Variants in CADM2 observed in about 807,000 individuals in gnomAD.
CADM2 encodes the protein cell adhesion molecule 2.
CADM2 carries 12 observed loss-of-function variants against 49.8 expected under a neutral mutation model. That is an observed-to-expected ratio of 0.24 (90% CI 0.15 to 0.39). The LOEUF (loss-of-function observed/expected upper bound fraction) is 0.39. Among genes scored for constraint, CADM2 ranks in the 10% least tolerant of loss-of-function variants. The pLI is 1.00. For synonymous variants in CADM2, 214 were observed against 175.4 expected (o/e 1.22, Z -1.74); for missense variants, 378 against 492.3 (o/e 0.77, Z 2.20).
At chr3:85,555,868 A>AT (rs2061944508) in intron 1 of CADM2, among the ~76,000 whole-genome samples, 1 of 152,144 alleles carries the variant, frequency 6.6e-6, no homozygotes, top group Non-Finnish European at 1.5e-5. Flanking sequence ...TGTAATTGTT[A>AT]TTTTAGACAT....
At chr3:85,753,826 C>A (rs1012856453) in intron 2 of CADM2, among the ~76,000 whole-genome samples, 3 of 152,036 alleles carry the variant, frequency 2.0e-5, no homozygotes, top group Non-Finnish European at 2.9e-5. Context: ...AGAAAGAATT[C>A]AAGGGAGGGG....
At chr3:85,514,933 T>C (rs1435767822) in intron 1 of CADM2, among the ~76,000 whole-genome samples, 2 of 152,174 alleles carry the variant, frequency 1.3e-5, no homozygotes, top group East Asian at 3.8e-4. Context: ...CCCTATTCTA[T>C]TAATCACATT....
rs1403948116 is a variant in CADM2, at chr3:85,898,968, T to A, written c.529+12641T>A. On this transcript the variant is annotated intron_variant, in intron 5 of 9. Transcript: ENST00000383699. ...ATATATATATATATTTTTTTTTTTT[T>A]TTTTTTTTTTTTTTTGAGACGGAGT... is the stretch of plus-strand genomic sequence containing the variant. Among the ~76,000 whole-genome samples, 312 of 94,722 alleles carry A rather than the reference T, an allele frequency of 3.3e-3. 7 individuals carry two copies. Among genetic ancestry groups the A allele is most frequent in the South Asian group, 5.2e-3 (13 of 2,504 alleles). The allele number at this position is 94,722 out of a possible 152,430, so 62.1% of individuals were successfully genotyped here. A position where few individuals can be genotyped will look rare whatever the true frequency, so the allele number is the denominator to read the frequency against.
intron 1 of CADM2, among the ~76,000 whole-genome samples, chr3:85,357,151 C>A (rs1420103408): frequency 6.6e-6 from 1 of 152,084 alleles, no homozygotes; most frequent in Admixed American, 6.6e-5. Flanking sequence ...ACCCTAAAAG[C>A]ACAAGATACC....
At chr3:85,917,326 T>C (rs1718484921) in intron 6 of CADM2, among the ~76,000 whole-genome samples, 1 of 152,200 alleles carries the variant, frequency 6.6e-6, no homozygotes, top group South Asian at 2.1e-4. Context: ...CTTTAATCCA[T>C]CTTGAATTAA....
intron 8 of CADM2, among the ~76,000 whole-genome samples, chr3:86,037,644 T>A (rs1304276735): frequency 6.6e-6 from 1 of 151,784 alleles, no homozygotes; most frequent in Non-Finnish European, 1.5e-5. Flanking sequence ...AATCAATTAT[T>A]ATAAAGTTCT....
At chr3:85,422,593 T>G (rs2036225090) in intron 1 of CADM2, among the ~76,000 whole-genome samples, 1 of 152,178 alleles carries the variant, frequency 6.6e-6, no homozygotes, top group Non-Finnish European at 1.5e-5. Flanking sequence ...TTTAAAATAC[T>G]TCCATATTAT....
chr3:85,983,141 A>G (rs186393692), intron 8 of CADM2, among the ~76,000 whole-genome samples: 28 of 151,872 alleles, frequency 1.8e-4, no homozygotes, highest in East Asian at 7.8e-4. Flanking sequence ...AGCTGTATCT[A>G]TATTAAAAAT....
At chr3:85,738,971 C>T (rs2068260850) in intron 2 of CADM2, among the ~76,000 whole-genome samples, 1 of 151,946 alleles carries the variant, frequency 6.6e-6, no homozygotes, top group African/African-American at 2.4e-5. Flanking sequence ...TTGATTCCAC[C>T]ACTTAACAGA....
intron 1 of CADM2, 140 bp from the exon 2 acceptor site, chr3:85,726,382 T>C (rs1358280599): frequency 1.1e-6 from 1 of 879,712 alleles, no homozygotes; most frequent in Non-Finnish European, 1.8e-6. Context: ...AGTCATTTTG[T>C]TTCTTAGGCT....
chr3:85,896,965 A>G (rs1021855176), intron 5 of CADM2, among the ~76,000 whole-genome samples: 2 of 152,136 alleles, frequency 1.3e-5, no homozygotes, highest in Non-Finnish European at 2.9e-5. Flanking sequence ...TGTCAGGCCT[A>G]AAAATTCCAT....
intron 1 of CADM2, among the ~76,000 whole-genome samples, chr3:84,997,928 T>C (rs1224208351): frequency 4.6e-5 from 7 of 152,152 alleles, no homozygotes; most frequent in Admixed American, 3.9e-4. Flanking sequence ...ATTGTCTTCC[T>C]TATGAACCTC....
At chr3:85,119,932 A>T (rs969867154) in intron 1 of CADM2, among the ~76,000 whole-genome samples, 1 of 152,192 alleles carries the variant, frequency 6.6e-6, no homozygotes, top group South Asian at 2.1e-4. Context: ...TTTGCAATCT[A>T]TGCAGCTGAC....
intron 1 of CADM2, among the ~76,000 whole-genome samples, chr3:85,701,860 G>T (rs2107710414): frequency 5.1e-5 from 1 of 19,490 alleles, no homozygotes; most frequent in African/African-American, 1.9e-4. Context: ...TGTTGTAAAA[G>T]ATAGATAGAT....
intron 1 of CADM2, among the ~76,000 whole-genome samples, chr3:85,021,710 G>A (rs1291217359): frequency 6.6e-6 from 1 of 152,138 alleles, no homozygotes; most frequent in Admixed American, 6.5e-5. Context: ...AGGAAGCGGA[G>A]GTTGCAGTGA....
intron 1 of CADM2, among the ~76,000 whole-genome samples, chr3:85,447,734 A>C (rs2037536263): frequency 6.6e-6 from 1 of 152,164 alleles, no homozygotes; most frequent in Non-Finnish European, 1.5e-5. Flanking sequence ...TGAATCAGAA[A>C]CATTTCTGAT....
chr3:85,203,466 T>C (rs777390947), intron 1 of CADM2, among the ~76,000 whole-genome samples: 15 of 152,284 alleles, frequency 9.9e-5, no homozygotes, highest in Middle Eastern at 3.4e-3. Flanking sequence ...TTAAAGTTTG[T>C]CATCTTATGT....
chr3:85,576,076 T>C (rs1269439837), intron 1 of CADM2, among the ~76,000 whole-genome samples: 1 of 152,176 alleles, frequency 6.6e-6, no homozygotes, highest in Non-Finnish European at 1.5e-5. Flanking sequence ...TGATTTTGCA[T>C]TTCTATATAG....
intron 8 of CADM2, among the ~76,000 whole-genome samples, chr3:85,983,981 G>T (rs1727778051): frequency 6.7e-6 from 1 of 149,884 alleles, no homozygotes; most frequent in Non-Finnish European, 1.5e-5. Context: ...TTAAAATTCA[G>T]ATTATATATA....
Sources: gnomAD v4.1 joint callset for allele counts (sites outside exome capture counted in the v4.1 genomes callset) on GRCh38, gnomAD v4.1.1 for gene constraint, MANE v1.5 for transcripts, NCBI Gene and HGNC (gene_info 2026-07-23, HGNC 2026-07-21) for gene names.